HMCN1: variants seen among roughly 807,000 people sequenced by gnomAD.
HMCN1 encodes the protein hemicentin 1, also known as hemicentin-1.
A neutral mutation model predicts 625.9 loss-of-function variants in HMCN1; 321 were observed. That is an observed-to-expected ratio of 0.51 (90% CI 0.47 to 0.56). HMCN1 has a LOEUF of 0.56. HMCN1 is among the 20% of genes least tolerant of loss of function. HMCN1 has a pLI of 0.00. For missense variants in HMCN1, 6,588 were observed against 6,887.3 expected, an observed-to-expected ratio of 0.96 and a Z score of 1.54; for synonymous variants, 2,425 against 2,417.6, an observed-to-expected ratio of 1.00 and a Z score of -0.09.
At chr1:185,909,647 TA>T (rs1666303190) in intron 5 of HMCN1, 139 bp downstream of exon 5, 2 of 765,652 alleles carry the variant, frequency 2.6e-6, no homozygotes, top group African/African-American at 1.8e-5. Context: ...GGAAGGTGTT[TA>T]AAAAATGTAA....
chr1:186,161,757 CT>C (rs1344955239), intron 97 of HMCN1, among the ~76,000 whole-genome samples: 1 of 152,158 alleles, frequency 6.6e-6, no homozygotes, highest in Non-Finnish European at 1.5e-5. Context: ...CCCCCACTCT[CT>C]TCTGGCTTGT....
At chr1:185,982,432 T>G in intron 18 of HMCN1, 43 bp downstream of exon 18, 1 of 1,567,578 alleles carries the variant, frequency 6.4e-7, no homozygotes. Flanking sequence ...CTTTTGTGAG[T>G]TTTCTTTTCT....
At position 186,094,391 on chromosome 1, in the gene HMCN1, G is replaced by C; in HGVS notation, c.10294+18G>C. Reference sequence around the variant, plus strand: ...AGTGTTTGGTATGTGTCACAGAAATGACCCTATTACTTTGCTATGTCAAGT... The same window carrying C: ...AGTGTTTGGTATGTGTCACAGAAATCACCCTATTACTTTGCTATGTCAAGT... On this transcript the variant is annotated intron_variant, in intron 67 of 106. Coordinates refer to ENST00000271588, the MANE Select transcript of HMCN1 (RefSeq NM_031935.3). 6.4e-7 allele frequency: 1 copy of C among 1,567,690 alleles called. No homozygotes were observed. The highest frequency in any genetic ancestry group is 1.3e-5 in the African/African-American group (1 of 74,130).
chr1:186,060,635 T>TGC (rs1657627347), intron 46 of HMCN1, among the ~76,000 whole-genome samples: 1 of 152,172 alleles, frequency 6.6e-6, no homozygotes, highest in Non-Finnish European at 1.5e-5. Flanking sequence ...AAAAGCAGTG[T>TGC]ATCACTAGTG....
chr1:185,893,563 A>G (rs1042311594), intron 4 of HMCN1, among the ~76,000 whole-genome samples: 1 of 152,170 alleles, frequency 6.6e-6, no homozygotes, highest in African/African-American at 2.4e-5. Context: ...AGTGTGTGGT[A>G]TATTGCCCAG....
At chr1:186,032,742 A>G (rs1029852045) in intron 36 of HMCN1, among the ~76,000 whole-genome samples, 4 of 30,778 alleles carry the variant, frequency 1.3e-4, no homozygotes, top group Non-Finnish European at 1.8e-4. Context: ...GCCATAAGTA[A>G]AAAGAAAAAA....
chr1:185,977,120 A>G (rs1365699289), intron 15 of HMCN1, among the ~76,000 whole-genome samples: 1 of 152,010 alleles, frequency 6.6e-6, no homozygotes, highest in Admixed American at 6.6e-5. Context: ...TATAATTTTT[A>G]TAGTTTCTGA....
At chr1:185,866,646 T>G in intron 4 of HMCN1, among the ~76,000 whole-genome samples, 1 of 151,912 alleles carries the variant, frequency 6.6e-6, no homozygotes, top group East Asian at 1.9e-4. Context: ...GACCTCGTGA[T>G]CCGCCCGCCT....
intron 2 of HMCN1, among the ~76,000 whole-genome samples, chr1:185,854,888 C>G (rs538962555): frequency 1.3e-5 from 2 of 152,236 alleles, no homozygotes; most frequent in African/African-American, 4.8e-5. Context: ...ATTAAATAAT[C>G]ACAGCATTCC....
At chr1:186,087,733 C>G in intron 60 of HMCN1, 88 bp downstream of exon 60, 1 of 1,318,676 alleles carries the variant, frequency 7.6e-7, no homozygotes. Flanking sequence ...CCTTTTACTA[C>G]AGTGAAAAAT....
intron 40 of HMCN1, among the ~76,000 whole-genome samples, chr1:186,042,618 T>C (rs946946042): frequency 2.0e-5 from 3 of 152,162 alleles, no homozygotes; most frequent in Non-Finnish European, 2.9e-5. Flanking sequence ...TTCTCTGAAA[T>C]AAAGGTCAAA....
intron 15 of HMCN1, among the ~76,000 whole-genome samples, chr1:185,972,930 A>T (rs1222123726): frequency 6.6e-6 from 1 of 152,144 alleles, no homozygotes; most frequent in Non-Finnish European, 1.5e-5. Context: ...TAGCAGATAT[A>T]ATATGTAAAT....
intron 41 of HMCN1, among the ~76,000 whole-genome samples, chr1:186,046,797 A>G (rs1656603000): frequency 6.6e-6 from 1 of 152,182 alleles, no homozygotes; most frequent in South Asian, 2.1e-4. Context: ...GTTGATTTGA[A>G]TGAAATACAG....
rs1345296144 is a variant in HMCN1 at position 185,925,077 on chromosome 1, C to A, written c.1316C>A (p.Thr439Asn). Reference protein sequence around the residue: ...DAPKVTMPEKTPGYYLQPGQI... With the variant: ...DAPKVTMPEKNPGYYLQPGQI... ...CCCAAAGTTACGATGCCTGAGAAAA[C>A]CCCAGGATACTATCTGCAGCCGGGC... Residue 439 changes from threonine to asparagine, a missense_variant, in exon 9 of 107, where the codon ACC becomes AAC. Thr to Asn is a moderately conservative substitution (Grantham distance 65). Coordinates refer to ENST00000271588, the MANE Select transcript of HMCN1 (RefSeq NM_031935.3). The A allele has an allele frequency of 6.2e-7, 1 of 1,613,550 alleles. No individual in the cohort carries two copies.
chr1:186,161,918 A>G (rs1167009988), intron 97 of HMCN1, among the ~76,000 whole-genome samples: 2 of 151,994 alleles, frequency 1.3e-5, no homozygotes, highest in Non-Finnish European at 2.9e-5. Flanking sequence ...CTTCTCAAGG[A>G]GTATCTTTGT....
intron 11 of HMCN1, among the ~76,000 whole-genome samples, chr1:185,945,027 G>T (rs1311285584): frequency 6.6e-6 from 1 of 152,062 alleles, no homozygotes; most frequent in Admixed American, 6.6e-5. Flanking sequence ...CTAAAGATTA[G>T]ATATTTGTTG....
chr1:186,173,196 T>C (rs1161410029), intron 102 of HMCN1, among the ~76,000 whole-genome samples: 1 of 152,272 alleles, frequency 6.6e-6, no homozygotes, highest in Non-Finnish European at 1.5e-5. Context: ...ATAAAATTAT[T>C]GTATCTTGGA....
chr1:185,920,086 TATG>T (rs1666926391), intron 6 of HMCN1, among the ~76,000 whole-genome samples: 1 of 152,222 alleles, frequency 6.6e-6, no homozygotes, highest in Non-Finnish European at 1.5e-5. Flanking sequence ...TGAAGAAATT[TATG>T]TGGTGTTTAG....
Position 185,928,557 on chromosome 1 carries a change from G to C in HMCN1, c.1442G>C (p.Ser481Thr), listed in dbSNP as rs1035479793. Residue 481 changes from serine to threonine, a missense_variant, in exon 10 of 107, where the codon AGT (serine) becomes ACT (threonine). By Grantham distance (58) the Ser-to-Thr change is moderately conservative. Coordinates refer to ENST00000271588, the MANE Select transcript of HMCN1 (RefSeq NM_031935.3). ...TTTCTTACCTCCAGAGAATCTGCCAGTGTGAACTTAGATATTGCAAAGGTC... is the reference window on the plus strand; with the variant it reads ...TTTCTTACCTCCAGAGAATCTGCCACTGTGAACTTAGATATTGCAAAGGTC... ...GVDQYLKESASVNLDIAKVTL... is the reference protein window; with the variant it reads ...GVDQYLKESATVNLDIAKVTL... 12 of 1,613,016 alleles carry C rather than the reference G, an allele frequency of 7.4e-6. No homozygotes were observed. Among genetic ancestry groups the C allele is most frequent in the Admixed American group, 1.7e-5 (1 of 59,998 alleles).
Sources: gnomAD v4.1 joint callset for allele counts (sites outside exome capture counted in the v4.1 genomes callset) on GRCh38, gnomAD v4.1.1 for gene constraint, MANE v1.5 for transcripts, NCBI Gene and HGNC (gene_info 2026-07-23, HGNC 2026-07-21) for gene names.